LRP1B: variants seen among roughly 807,000 people sequenced by gnomAD.
LRP1B encodes the protein LDL receptor related protein 1B.
In LRP1B, 217 loss-of-function variants were observed where a neutral mutation model predicts 556.6. The ratio of observed to expected loss-of-function variants is 0.39; its 90% confidence interval spans 0.35 to 0.44. The LOEUF is 0.44. LRP1B is among the 20% of genes least tolerant of loss of function. LRP1B has a pLI of 1.00. For missense variants in LRP1B, 5,053 were observed against 5,620.8 expected (o/e 0.90, Z 3.23); for synonymous variants, 2,047 against 1,865.8 (o/e 1.10, Z -2.50).
chr2:141,126,036 T>G, intron 7 of LRP1B, among the ~76,000 whole-genome samples: 1 of 94,434 alleles, frequency 1.1e-5, no homozygotes, highest in African/African-American at 4.4e-5. Flanking sequence ...TTCTTCCTTT[T>G]ATTTTTTTTT....
At chr2:141,404,346 G>A (rs937226416) in intron 3 of LRP1B, among the ~76,000 whole-genome samples, 2 of 152,036 alleles carry the variant, frequency 1.3e-5, no homozygotes, top group African/African-American at 4.8e-5. Context: ...GAATCACCAT[G>A]CATACTTCAA....
At chr2:141,377,095 T>C (rs930753418) in intron 3 of LRP1B, among the ~76,000 whole-genome samples, 4 of 152,162 alleles carry the variant, frequency 2.6e-5, no homozygotes, top group African/African-American at 9.7e-5. Flanking sequence ...TGTCTATAAA[T>C]CTAAATGCAA....
intron 18 of LRP1B, among the ~76,000 whole-genome samples, chr2:140,952,910 A>G (rs1166272244): frequency 6.6e-6 from 1 of 152,196 alleles, no homozygotes; most frequent in Non-Finnish European, 1.5e-5. Flanking sequence ...AAGTTGCTCA[A>G]TATCAGACCT....
At chr2:141,053,148 C>A (rs1015559679) in intron 10 of LRP1B, among the ~76,000 whole-genome samples, 1 of 151,858 alleles carries the variant, frequency 6.6e-6, no homozygotes, top group Non-Finnish European at 1.5e-5. Flanking sequence ...GTACTACAGA[C>A]AATTGAATAG....
At chr2:141,961,463 G>A (rs1166579808) in intron 1 of LRP1B, among the ~76,000 whole-genome samples, 1 of 151,630 alleles carries the variant, frequency 6.6e-6, no homozygotes, top group Non-Finnish European at 1.5e-5. Context: ...TTTTAAAAAG[G>A]ACAACCTGAT....
intron 60 of LRP1B, among the ~76,000 whole-genome samples, chr2:140,458,025 T>C (rs1490350220): frequency 1.3e-5 from 2 of 152,138 alleles, no homozygotes; most frequent in Non-Finnish European, 2.9e-5. Flanking sequence ...CATATATACA[T>C]ATATATCTCC....
At chr2:141,710,134 A>G (rs1336348645) in intron 2 of LRP1B, among the ~76,000 whole-genome samples, 2 of 152,148 alleles carry the variant, frequency 1.3e-5, no homozygotes, top group Admixed American at 1.3e-4. Context: ...AGGAGTACAC[A>G]TTTAGTCTAT....
chr2:141,094,663 A>G (rs1277514475), intron 7 of LRP1B, among the ~76,000 whole-genome samples: 2 of 152,178 alleles, frequency 1.3e-5, no homozygotes, highest in African/African-American at 2.4e-5. Context: ...TGGCATTGCT[A>G]AATTATGCAT....
chr2:140,492,850 C>T (rs1688760082), intron 56 of LRP1B, among the ~76,000 whole-genome samples, 157 bp from the exon 57 acceptor site: 1 of 152,066 alleles, frequency 6.6e-6, no homozygotes, highest in African/African-American at 2.4e-5. Flanking sequence ...ACGTAGTTGG[C>T]AGTAGAATGA....
intron 3 of LRP1B, among the ~76,000 whole-genome samples, chr2:141,362,799 G>A (rs1357794833): frequency 6.8e-6 from 1 of 146,600 alleles, no homozygotes; most frequent in African/African-American, 2.5e-5. Context: ...AAAAGTAAAA[G>A]CATTCACTTG....
At chr2:142,019,074 G>A (rs1703247261) in intron 1 of LRP1B, among the ~76,000 whole-genome samples, 1 of 152,142 alleles carries the variant, frequency 6.6e-6, no homozygotes, top group Admixed American at 6.5e-5. Flanking sequence ...AGTTTAAATT[G>A]TCACTTGCAG....
intron 2 of LRP1B, among the ~76,000 whole-genome samples, chr2:141,613,900 T>A (rs529341863): frequency 6.6e-6 from 1 of 151,372 alleles, no homozygotes; most frequent in East Asian, 1.9e-4. Context: ...TGGTGAAACC[T>A]GATCTCTACT....
chr2:140,723,030 G>A (rs1000885404), intron 35 of LRP1B, among the ~76,000 whole-genome samples: 1 of 152,102 alleles, frequency 6.6e-6, no homozygotes, highest in Non-Finnish European at 1.5e-5. Context: ...GTGACAGAGC[G>A]AGACTCTGTC....
intron 2 of LRP1B, among the ~76,000 whole-genome samples, chr2:141,748,524 A>C (rs1168241209): frequency 1.3e-5 from 2 of 152,168 alleles, no homozygotes; most frequent in African/African-American, 4.8e-5. Context: ...CTACATCTGA[A>C]CACAGCCAGA....
intron 3 of LRP1B, among the ~76,000 whole-genome samples, chr2:141,427,750 CA>C (rs1200913982): frequency 6.6e-6 from 1 of 151,764 alleles, no homozygotes; most frequent in African/African-American, 2.4e-5. Flanking sequence ...AAATAATTAC[CA>C]TATTCAAAAT....
intron 1 of LRP1B, among the ~76,000 whole-genome samples, chr2:141,955,728 C>G (rs1435615): frequency 0.46 from 70,318 of 151,778 alleles, 16,376 homozygotes; most frequent in Admixed American, 0.53. Flanking sequence ...AGAACCACAG[C>G]TACTGTTGCC....
At chr2:140,972,474 C>T (rs2105331075) in intron 18 of LRP1B, among the ~76,000 whole-genome samples, 1 of 152,156 alleles carries the variant, frequency 6.6e-6, no homozygotes, top group East Asian at 1.9e-4. Flanking sequence ...TGTCTAATTG[C>T]TAAAATATGA....
intron 24 of LRP1B, among the ~76,000 whole-genome samples, chr2:140,885,803 A>T (rs1482293837): frequency 6.9e-6 from 1 of 143,886 alleles, no homozygotes; most frequent in African/African-American, 2.8e-5. Flanking sequence ...CAAAATTAAA[A>T]AAAAAAAAAA....
rs1039176696 is a variant in LRP1B, at chr2:140,417,963, A to G, written c.10414+24541T>C. On this transcript the variant is annotated intron_variant, in intron 66 of 90. Transcript: ENST00000389484. ...AAGTAAGATGGGTTTCTAAAGGTCG[A>G]TCACTAGCCAGAGTTTTTGAGTTAT... Among the ~76,000 whole-genome samples, 21 of 152,318 alleles carry G rather than the reference A, an allele frequency of 1.4e-4. 1 individual carries two copies. Among genetic ancestry groups the G allele is most frequent in the Admixed American group, 1.3e-3 (20 of 15,302 alleles).
Sources: gnomAD v4.1 joint callset for allele counts (sites outside exome capture counted in the v4.1 genomes callset) on GRCh38, gnomAD v4.1.1 for gene constraint, MANE v1.5 for transcripts, NCBI Gene and HGNC (gene_info 2026-07-23, HGNC 2026-07-21) for gene names.